The following DNMBP variants were observed in gnomAD, a reference collection of about 807,000 sequenced individuals.
DNMBP encodes the protein dynamin binding protein.
DNMBP carries 87 observed loss-of-function variants against 150.0 expected under a neutral mutation model. That is an observed-to-expected ratio of 0.58 (90% CI 0.49 to 0.69). DNMBP has a LOEUF of 0.69. DNMBP is among the 30% of genes least tolerant of loss of function. The pLI, the probability that DNMBP is intolerant of heterozygous loss-of-function variation, is 0.00. For synonymous variants in DNMBP, 711 were observed against 750.4 expected, an observed-to-expected ratio of 0.95 and a Z score of 0.86; for missense variants, 1,774 against 1,949.0, an observed-to-expected ratio of 0.91 and a Z score of 1.69.
At chr10:99,906,881 A>C (rs146500756) in intron 6 of DNMBP, among the ~76,000 whole-genome samples, 1 of 152,368 alleles carries the variant, frequency 6.6e-6, no homozygotes, top group African/African-American at 2.4e-5. Flanking sequence ...GTTTCAGTGA[A>C]ATTGTTAAAT....
Position 99,886,363 on chromosome 10 carries a change from G to C in DNMBP, c.3555C>G (p.Gly1185=), listed in dbSNP as rs1310136943. The change falls in exon 13 of 17, where the codon GGC becomes GGG. Residue 1185 remains glycine, a synonymous_variant. Transcript: ENST00000324109. Reference sequence around the variant, plus strand: ...CAAAGTCACAGTGGGCTTCAGCATAGCCGTGGACACAGTTGGTGAAGAGGC... The same window carrying C: ...CAAAGTCACAGTGGGCTTCAGCATACCCGTGGACACAGTTGGTGAAGAGGC... ...AQGLFTNCVH[G]YAEAHCDFVH... The C allele has an allele frequency of 6.2e-7, 1 of 1,614,178 alleles. No individual in the cohort carries two copies.
At chr10:99,998,984 C>T (rs2040981979) in intron 1 of DNMBP, among the ~76,000 whole-genome samples, 1 of 152,136 alleles carries the variant, frequency 6.6e-6, no homozygotes, top group Admixed American at 6.6e-5. Context: ...AAGAATGCTA[C>T]CTGGATGATT....
chr10:99,881,983 A>T (rs887895174), intron 15 of DNMBP, among the ~76,000 whole-genome samples: 1 of 152,206 alleles, frequency 6.6e-6, no homozygotes, highest in African/African-American at 2.4e-5. Context: ...TACCCATACT[A>T]CATATTTTGT....
intron 9 of DNMBP, among the ~76,000 whole-genome samples, 198 bp downstream of exon 9, chr10:99,897,888 G>A (rs1351119258): frequency 1.3e-5 from 2 of 152,074 alleles, no homozygotes; most frequent in African/African-American, 2.4e-5. Context: ...ACTCCAGCCT[G>A]GGGGACAGAG....
intron 1 of DNMBP, among the ~76,000 whole-genome samples, chr10:99,977,726 G>A (rs1462090413): frequency 6.6e-6 from 1 of 152,108 alleles, no homozygotes; most frequent in Non-Finnish European, 1.5e-5. Context: ...CAAACGATTT[G>A]TTGAAGTTTG....
At chr10:99,891,174 C>T (rs968842038) in intron 11 of DNMBP, among the ~76,000 whole-genome samples, 2 of 147,354 alleles carry the variant, frequency 1.4e-5, no homozygotes, top group African/African-American at 2.5e-5. Context: ...CCCCCTCTCC[C>T]TCCCCCTCTC....
At chr10:99,898,722 T>C in intron 8 of DNMBP, 21 bp downstream of exon 8, 1 of 1,613,374 alleles carries the variant, frequency 6.2e-7, no homozygotes, top group Non-Finnish European at 8.5e-7. Flanking sequence ...AGCGCATACA[T>C]CAAGCAGCAA....
At chr10:100,003,957 C>T (rs1434404591) in intron 1 of DNMBP, among the ~76,000 whole-genome samples, 1 of 151,814 alleles carries the variant, frequency 6.6e-6, no homozygotes, top group Non-Finnish European at 1.5e-5. Flanking sequence ...TTTGGCCAGG[C>T]ACAGTGGCTC....
rs2039335415 is a variant in DNMBP at position 99,879,843 on chromosome 10, CT to C, written c.4515del (p.Glu1506SerfsTer27). The C allele has an allele frequency of 1.2e-6, 2 of 1,614,254 alleles. No homozygotes were observed. Among genetic ancestry groups the C allele is most frequent in the Non-Finnish European group, 1.7e-6 (2 of 1,180,044 alleles). On this transcript the variant is annotated frameshift_variant, in exon 16 of 17. Transcript: ENST00000324109. LOFTEE classifies it high-confidence loss of function. ...CCTTCTGCCTCACTGCCATCTGGCT[CT>C]GTACTTCTGTCTTCCGGAGCCTGGG... The part of the protein sequence containing the change: ...RTAQAPEDRS[T>X]EPDGSEAEGN...
chr10:99,978,362 C>T (rs556001311), intron 1 of DNMBP, among the ~76,000 whole-genome samples: 1 of 152,256 alleles, frequency 6.6e-6, no homozygotes, highest in East Asian at 1.9e-4. Flanking sequence ...AAGAATTTTA[C>T]ACCCACCACC....
rs753215922 is a variant in DNMBP at position 99,956,361 on chromosome 10, G to T, written c.1113C>A (p.Asp371Glu). Reference protein sequence around the residue: ...LGHLTSEYDTDRNSYQDEDTA... With the variant: ...LGHLTSEYDTERNSYQDEDTA... ...TGTCCTCGTCCTGATAAGAGTTTCT[G>T]TCTGTGTCATACTCTGAAGTCAGAT... is the stretch of plus-strand genomic sequence containing the variant. Residue 371 changes from aspartate (D) to glutamate (E), a missense_variant, in exon 4 of 17, where the codon GAC (aspartate) becomes GAA (glutamate). Asp to Glu is a conservative substitution (Grantham distance 45). This residue lies in a region of DNMBP where 1,430 missense variants were observed against 1,492.5 expected (regional missense o/e 0.96). Coordinates refer to ENST00000324109, the MANE Select transcript of DNMBP (RefSeq NM_015221.4). 3 of 1,613,922 alleles carry T rather than the reference G, an allele frequency of 1.9e-6. No homozygotes were observed. The African/African-American group carries it at 4.0e-5, about 22-fold the overall frequency.
chr10:99,923,716 A>C (rs1480530897), intron 4 of DNMBP, among the ~76,000 whole-genome samples: 2 of 152,094 alleles, frequency 1.3e-5, no homozygotes, highest in South Asian at 2.1e-4. Flanking sequence ...CGTCTTTGTC[A>C]CCACAACCCT....
intron 13 of DNMBP, 68 bp downstream of exon 13, chr10:99,886,232 A>AT (rs2039459852): frequency 1.5e-6 from 2 of 1,360,736 alleles, no homozygotes; most frequent in Non-Finnish European, 2.0e-6. Context: ...CCATGCTACC[A>AT]TTTTTCCCAG....
chr10:99,928,139 GT>G (rs1441980332), intron 4 of DNMBP: 2 of 152,122 alleles, frequency 1.3e-5, no homozygotes, highest in African/African-American at 2.4e-5. Flanking sequence ...GCTGGGTTTG[GT>G]TTCATTTTTG....
chr10:99,887,497 A>G (rs1006433279), intron 12 of DNMBP, among the ~76,000 whole-genome samples: 1 of 152,034 alleles, frequency 6.6e-6, no homozygotes, highest in Non-Finnish European at 1.5e-5. Flanking sequence ...ACTGCACTCC[A>G]GCCTGGGTGA....
At chr10:99,977,977 T>C (rs566066517) in intron 1 of DNMBP, among the ~76,000 whole-genome samples, 162 of 152,326 alleles carry the variant, frequency 1.1e-3, no homozygotes, top group Non-Finnish European at 2.1e-3. Context: ...ATTAATGTCT[T>C]GGACTTCTTC....
At chr10:99,918,432 A>G (rs2039990113) in intron 4 of DNMBP, among the ~76,000 whole-genome samples, 1 of 152,138 alleles carries the variant, frequency 6.6e-6, no homozygotes. Context: ...AGTAGCCTGA[A>G]GTAAAATCCC....
chr10:99,971,615 G>A (rs1464770878), intron 2 of DNMBP, among the ~76,000 whole-genome samples: 2 of 152,024 alleles, frequency 1.3e-5, no homozygotes, highest in Admixed American at 6.6e-5. Flanking sequence ...TTCACCTCCT[G>A]GGTTCAAGCA....
At chr10:99,929,622 C>T in intron 4 of DNMBP, 1 of 677,838 alleles carries the variant, frequency 1.5e-6, no homozygotes, top group Non-Finnish European at 2.7e-6. Flanking sequence ...GGTTTTCTTG[C>T]TGTTTTGCAC....
Sources: allele counts gnomAD v4.1 joint callset (sites outside exome capture counted in the v4.1 genomes callset), GRCh38; gene constraint gnomAD v4.1.1; regional missense constraint gnomAD v4.1.1; transcripts MANE v1.5; gene names NCBI Gene and HGNC (gene_info 2026-07-23, HGNC 2026-07-21).